Variants in ABCB1 observed in about 807,000 individuals in gnomAD.
The protein encoded by ABCB1 is ATP binding cassette subfamily B member 1, also known as ATP-dependent translocase ABCB1.
Under a neutral mutation model 142.0 loss-of-function variants are expected in ABCB1, and 69 were observed. The ratio of observed to expected loss-of-function variants is 0.49; its 90% CI spans 0.40 to 0.59. The LOEUF (loss-of-function observed/expected upper bound fraction) is 0.59. ABCB1 is among the 20% of genes least tolerant of loss of function. ABCB1 has a pLI of 0.00. For synonymous variants in ABCB1, 532 were observed against 539.2 expected (o/e 0.99, Z 0.18); for missense variants, 1,326 against 1,554.7 (o/e 0.85, Z 2.47).
intron 25 of ABCB1, among the ~76,000 whole-genome samples, chr7:87,511,465 T>G (rs138018872): frequency 6.6e-6 from 1 of 152,370 alleles, no homozygotes; most frequent in East Asian, 1.9e-4. Flanking sequence ...ATGTTAAATG[T>G]GTATTCTTCT....
At chr7:87,694,036 A>G (rs1828266680) in intron 1 of ABCB1, 1 of 1,577,226 alleles carries the variant, frequency 6.3e-7, no homozygotes, top group Non-Finnish European at 8.5e-7. Context: ...GGGCTGTATC[A>G]GTTAAGTGAT....
intron 23 of ABCB1, among the ~76,000 whole-genome samples, chr7:87,517,142 AGATT>A (rs974156922): frequency 2.0e-5 from 3 of 152,214 alleles, no homozygotes; most frequent in African/African-American, 4.8e-5. Flanking sequence ...TCTATGTGAT[AGATT>A]GATTGCAAAA....
chr7:87,564,745 G>T (rs1013236312), intron 7 of ABCB1, among the ~76,000 whole-genome samples: 1 of 152,174 alleles, frequency 6.6e-6, no homozygotes, highest in African/African-American at 2.4e-5. Context: ...TAGGTCTCTA[G>T]CAGCCAGCCT....
chr7:87,518,811 C>T (rs1324496102), intron 23 of ABCB1: 1 of 155,760 alleles, frequency 6.4e-6, no homozygotes, highest in Non-Finnish European at 1.4e-5. Flanking sequence ...TATCTACATT[C>T]AGAACAATGT....
intron 21 of ABCB1, among the ~76,000 whole-genome samples, chr7:87,528,145 A>T (rs1271352486): frequency 6.6e-6 from 1 of 152,026 alleles, no homozygotes; most frequent in African/African-American, 2.4e-5. Flanking sequence ...TCCCACTGGG[A>T]CCCTCCCATA....
chr7:87,579,001 T>C (rs1009149492), intron 4 of ABCB1, among the ~76,000 whole-genome samples: 1 of 152,232 alleles, frequency 6.6e-6, no homozygotes, highest in East Asian at 1.9e-4. Flanking sequence ...CCGAGATTAC[T>C]TTCTTGATTA....
intron 4 of ABCB1, among the ~76,000 whole-genome samples, chr7:87,570,766 G>GACAC (rs28381836): frequency 6.6e-6 from 1 of 150,994 alleles, no homozygotes; most frequent in Non-Finnish European, 1.5e-5. Flanking sequence ...CTAACACACA[G>GACAC]ACACACACAC....
At chr7:87,655,832 G>A (rs1034583024) in intron 1 of ABCB1, among the ~76,000 whole-genome samples, 1 of 152,088 alleles carries the variant, frequency 6.6e-6, no homozygotes, top group Non-Finnish European at 1.5e-5. Flanking sequence ...TTTGGGAGGT[G>A]TTCTTAGCTC....
At position 87,600,500 on chromosome 7, in the gene ABCB1, A is replaced by G. The variant is rs1167041928; in HGVS notation, c.-7+255T>C. On this transcript the variant is annotated intron_variant, in intron 1 of 27. Transcript: ENST00000622132. ...CCTCCCACCCACCGCCCGCGGGCTC[A>G]GAGAGCAGGTCCCCGCACCGCGCGG... is the stretch of plus-strand genomic sequence containing the variant. Among the ~76,000 whole-genome samples, 6 of 152,276 alleles carry G rather than the reference A, an allele frequency of 3.9e-5. No individual in the cohort carries two copies. The East Asian group carries it at 1.2e-3, about 29-fold the overall frequency.
rs377518806 is a variant in ABCB1 at position 87,520,794 on chromosome 7, C to T, written c.2768G>A (p.Ser923Asn). 1.2e-6 allele frequency: 2 copies of T among 1,613,872 alleles called. No individual in the cohort carries two copies. Among genetic ancestry groups the T allele is most frequent in the Non-Finnish European group, 1.7e-6 (2 of 1,179,820 alleles). Reference sequence around the variant, plus strand: ...TTATTACCTGTATGGTACCTGCAAACTCTGAGCATACATATGTTCAAACTT... The same window carrying T: ...TTATTACCTGTATGGTACCTGCAAATTCTGAGCATACATATGTTCAAACTT... ...EQKFEHMYAQ[S>N]LQVPYRNSLR... The change falls in exon 22 of 28, where the codon AGT becomes AAT. Residue 923 changes from serine (S) to asparagine (N), a missense_variant. Transcript: ENST00000622132.
intron 3 of ABCB1, among the ~76,000 whole-genome samples, chr7:87,590,346 C>CA (rs1348837959): frequency 1.3e-5 from 2 of 152,130 alleles, no homozygotes; most frequent in Admixed American, 1.3e-4. Context: ...ACAAAATATA[C>CA]AAAAAATCTC....
chr7:87,683,279 T>C (rs1184798048), intron 1 of ABCB1, among the ~76,000 whole-genome samples: 4 of 152,338 alleles, frequency 2.6e-5, no homozygotes, highest in Non-Finnish European at 4.4e-5. Flanking sequence ...GCAATAAGGC[T>C]CTTTCACTTC....
intron 3 of ABCB1, among the ~76,000 whole-genome samples, chr7:87,586,124 C>A (rs1477755361): frequency 1.3e-5 from 2 of 152,054 alleles, no homozygotes; most frequent in African/African-American, 4.8e-5. Flanking sequence ...GGGTTAAAGA[C>A]CTGCCAAACA....
chr7:87,600,892 G>C (rs929329417), upstream of ABCB1: 1 of 152,394 alleles, frequency 6.6e-6, no homozygotes, highest in African/African-American at 2.4e-5. Flanking sequence ...AATGAGCTCA[G>C]GCTTCCTGTG....
intron 1 of ABCB1, among the ~76,000 whole-genome samples, chr7:87,648,676 C>G (rs1823269542): frequency 6.6e-6 from 1 of 152,040 alleles, no homozygotes; most frequent in African/African-American, 2.4e-5. Flanking sequence ...TTAAAGTGTA[C>G]TAAATAAATG....
intron 6 of ABCB1, 73 bp from the exon 7 acceptor site, chr7:87,566,314 G>C (rs1046850107): frequency 3.8e-5 from 56 of 1,461,618 alleles, no homozygotes; most frequent in Non-Finnish European, 5.1e-5. Context: ...AGCCTGTTTT[G>C]AGTGTAGGGT....
chr7:87,597,595 C>A (rs182534675), intron 2 of ABCB1, among the ~76,000 whole-genome samples: 1 of 152,068 alleles, frequency 6.6e-6, no homozygotes, highest in East Asian at 1.9e-4. Flanking sequence ...GTTAAATCTA[C>A]CTAAATGTTT....
At chr7:87,515,571 T>C (rs1401452308) in intron 24 of ABCB1, 143 bp from the exon 25 acceptor site, 1 of 487,012 alleles carries the variant, frequency 2.1e-6, no homozygotes, top group Non-Finnish European at 3.4e-6. Context: ...GAATTTATTT[T>C]ATTTTAATTT....
At chr7:87,565,324 C>G in intron 7 of ABCB1, 1 of 276,374 alleles carries the variant, frequency 3.6e-6, no homozygotes, top group Non-Finnish European at 7.4e-6. Context: ...ACATACTGGG[C>G]CAATTTCTCT....
Sources: allele counts gnomAD v4.1 joint callset (sites outside exome capture counted in the v4.1 genomes callset), GRCh38; gene constraint gnomAD v4.1.1; transcripts MANE v1.5; gene names NCBI Gene and HGNC (gene_info 2026-07-23, HGNC 2026-07-21).